TNIP1: variants seen among roughly 807,000 people sequenced by gnomAD.
TNIP1 encodes TNFAIP3-interacting protein 1.
A neutral mutation model predicts 86.6 loss-of-function variants in TNIP1; 22 were observed. The observed-to-expected ratio is 0.25, with a 90% confidence interval of 0.18 to 0.36. The LOEUF (loss-of-function observed/expected upper bound fraction) is 0.36, where lower values mean the gene tolerates loss of function less well. Ranked by LOEUF, TNIP1 falls within the 10% of genes least tolerant of loss-of-function variation. The pLI, the probability that TNIP1 is intolerant of heterozygous loss-of-function variation, is 1.00. For synonymous variants in TNIP1, 294 were observed against 313.0 expected (o/e 0.94, Z 0.64); for missense variants, 709 against 820.6 (o/e 0.86, Z 1.66).
intron 1 of TNIP1, among the ~76,000 whole-genome samples, chr5:151,068,409 G>T (rs190711938): frequency 6.6e-6 from 1 of 152,256 alleles, no homozygotes; most frequent in African/African-American, 2.4e-5. Context: ...GCAATGAGGC[G>T]AATCCTGCAT....
In TNIP1 at chr5:151,063,707, G is replaced by A. The variant is rs1220889360; in HGVS notation, c.177C>T (p.Leu59=). Reference sequence around the variant, plus strand: ...TCACTAGCTCCTCTGCCTTCTGCCGGAGCCTGGTCGCTTCCATCTGGGACT... The same window carrying A: ...TCACTAGCTCCTCTGCCTTCTGCCGAAGCCTGGTCGCTTCCATCTGGGACT... The part of the protein sequence containing the change: ...LEESQMEATR[L]RQKAEELVKD... Residue 59 remains leucine (L), a synonymous_variant, in exon 3 of 18, where the codon CTC becomes CTT. Transcript: ENST00000521591. 18 of 1,614,120 alleles carry A rather than the reference G, an allele frequency of 1.1e-5. No homozygotes were observed. The highest frequency in any genetic ancestry group is 1.5e-5 in the Non-Finnish European group (18 of 1,180,006).
In TNIP1 at chr5:151,039,223, G is replaced by C; in HGVS notation, c.1137C>G (p.Thr379=). ...CCTCTGCTGTCAGCTGCTCCTTGTCGGTCTGCAGGGAATACAAGGTTGGTA... is the reference window on the plus strand; with the variant it reads ...CCTCTGCTGTCAGCTGCTCCTTGTCCGTCTGCAGGGAATACAAGGTTGGTA... ...LAKSKIEMEE[T]DKEQLTAEAK... The change falls in exon 12 of 18, where the codon ACC becomes ACG. Residue 379 remains threonine, a splice_region_variant and synonymous_variant. Transcript: ENST00000521591. 1 of 1,611,626 alleles carries C rather than the reference G, an allele frequency of 6.2e-7. No individual in the cohort carries two copies. Among genetic ancestry groups the C allele is most frequent in the Non-Finnish European group, 8.5e-7 (1 of 1,179,542 alleles).
chr5:151,032,366 A>G lies in TNIP1; in HGVS notation c.1797T>C (p.Arg599=). 2 of 1,614,118 alleles carry G rather than the reference A, an allele frequency of 1.2e-6. No individual in the cohort carries two copies. The highest frequency in any genetic ancestry group is 1.7e-6 in the Non-Finnish European group (2 of 1,180,018). Residue 599 remains arginine (R), a synonymous_variant, in exon 17 of 18, where the codon CGT becomes CGC. Transcript: ENST00000521591. ...RLFHLPEYTW[R]LPCGGVRNPN... ...GATTTCGAACCCCTCCACAGGGTAG[A>G]CGCCAGGTGTATTCCGGCTGCGACA...
chr5:151,059,397 T>C (rs972522642), intron 5 of TNIP1, among the ~76,000 whole-genome samples: 7 of 152,192 alleles, frequency 4.6e-5, no homozygotes, highest in African/African-American at 1.7e-4. Context: ...GAAGGCATGC[T>C]AGTTAGCCAG....
intron 1 of TNIP1, among the ~76,000 whole-genome samples, chr5:151,070,015 A>T (rs1762659690): frequency 1.3e-5 from 2 of 152,190 alleles, no homozygotes; most frequent in Non-Finnish European, 2.9e-5. Flanking sequence ...TGCGAACACG[A>T]GGCCTGAGAG....
intron 5 of TNIP1, among the ~76,000 whole-genome samples, chr5:151,059,812 A>G (rs1265281866): frequency 5.2e-5 from 6 of 115,826 alleles, no homozygotes; most frequent in African/African-American, 2.5e-4. Flanking sequence ...AGAGAGAGAG[A>G]GAGAGAGAGA....
chr5:151,032,499 C>T, intron 16 of TNIP1, 116 bp from the exon 17 acceptor site: 4 of 1,081,010 alleles, frequency 3.7e-6, no homozygotes, highest in Non-Finnish European at 5.4e-6. Context: ...ATCTTTATAA[C>T]AACCCAGGCT....
chr5:151,036,973 C>G (rs1308061266), intron 12 of TNIP1, 52 bp from the exon 13 acceptor site: 1 of 1,532,672 alleles, frequency 6.5e-7, no homozygotes, highest in South Asian at 1.3e-5. Flanking sequence ...GAAATCAGGG[C>G]CCTTTGGAGG....
chr5:151,081,928 T>G (rs1764057071), upstream of TNIP1, among the ~76,000 whole-genome samples: 1 of 152,244 alleles, frequency 6.6e-6, no homozygotes, highest in African/African-American at 2.4e-5. Flanking sequence ...AAGCTAAATT[T>G]TAATTCCAAA....
At chr5:151,061,100 C>T (rs144581253) in intron 4 of TNIP1, among the ~76,000 whole-genome samples, 48 of 152,342 alleles carry the variant, frequency 3.2e-4, no homozygotes, top group African/African-American at 1.1e-3. Context: ...CACATCTTTC[C>T]GTCATTCCTA....
rs752419085 is a variant in TNIP1 at position 151,039,222 on chromosome 5, C to T, written c.1138G>A (p.Asp380Asn). The change falls in exon 12 of 18, where the codon GAC becomes AAC. Residue 380 changes from aspartate (D) to asparagine (N), a missense_variant. Transcript: ENST00000521591. ...GCCTCTGCTGTCAGCTGCTCCTTGTCGGTCTGCAGGGAATACAAGGTTGGT... is the reference window on the plus strand; with the variant it reads ...GCCTCTGCTGTCAGCTGCTCCTTGTTGGTCTGCAGGGAATACAAGGTTGGT... ...AKSKIEMEET[D>N]KEQLTAEAKE... 6.8e-5 allele frequency: 109 copies of T among 1,611,696 alleles called. No homozygotes were observed. Among genetic ancestry groups the T allele is most frequent in the Non-Finnish European group, 8.6e-5 (101 of 1,179,536 alleles).
chr5:151,042,709 A>G, intron 10 of TNIP1, 38 bp from the exon 11 acceptor site: 2 of 1,611,696 alleles, frequency 1.2e-6, no homozygotes, highest in Non-Finnish European at 1.7e-6. Flanking sequence ...TGAGGCAAGG[A>G]TGTAGAGCAC....
intron 15 of TNIP1, among the ~76,000 whole-genome samples, chr5:151,034,239 A>G (rs567943844): frequency 6.7e-6 from 1 of 148,906 alleles, no homozygotes; most frequent in African/African-American, 2.5e-5. Context: ...AGGCTGGTAC[A>G]TGGGCACGGA....
Position 151,031,723 on chromosome 5 carries a change from G to A in TNIP1, c.1876+564C>T, listed in dbSNP as rs551679831. ...CTACCTTGTTCTTGGCTCCAGCCAC[G>A]CTGGTCTTCCCTCCGATCCTCAAAT... On this transcript the variant is annotated intron_variant, in intron 17 of 17. Coordinates refer to ENST00000521591, the MANE Select transcript of TNIP1 (RefSeq NM_006058.5). Among the ~76,000 whole-genome samples the A allele has an allele frequency of 5.3e-5, 8 of 152,184 alleles. No individual in the cohort carries two copies. In the South Asian group the frequency reaches 1.0e-3, roughly 20 times the overall value.
At chr5:151,083,561 G>A (rs1163264373), upstream of TNIP1, among the ~76,000 whole-genome samples, 1 of 152,180 alleles carries the variant, frequency 6.6e-6, no homozygotes, top group East Asian at 1.9e-4. Context: ...AGTGACTCAG[G>A]CAGGTGCAAC....
intron 11 of TNIP1, among the ~76,000 whole-genome samples, chr5:151,041,030 T>C (rs939219556): frequency 2.0e-5 from 3 of 152,032 alleles, no homozygotes; most frequent in Non-Finnish European, 4.4e-5. Context: ...TGGTCTCACT[T>C]ATGCCCACTC....
At chr5:151,060,044 G>A (rs964221686) in intron 5 of TNIP1, among the ~76,000 whole-genome samples, 6 of 152,204 alleles carry the variant, frequency 3.9e-5, no homozygotes, top group African/African-American at 1.4e-4. Flanking sequence ...GTGTGCGGAG[G>A]TGCCTGGCCC....
At chr5:151,072,555 C>T (rs1484975036) in intron 1 of TNIP1, among the ~76,000 whole-genome samples, 1 of 152,200 alleles carries the variant, frequency 6.6e-6, no homozygotes, top group Non-Finnish European at 1.5e-5. Context: ...CTTCTCTCCC[C>T]TCTGTGGTCC....
chr5:151,050,788 T>G (rs1227817435), intron 7 of TNIP1, among the ~76,000 whole-genome samples: 1 of 138,268 alleles, frequency 7.2e-6, no homozygotes, highest in Non-Finnish European at 1.6e-5. Context: ...ACCCCCACCC[T>G]CTTGAGTAGC....
Sources: gnomAD v4.1 joint callset for allele counts (sites outside exome capture counted in the v4.1 genomes callset) on GRCh38, gnomAD v4.1.1 for gene constraint, MANE v1.5 for transcripts, NCBI Gene and HGNC (gene_info 2026-07-23, HGNC 2026-07-21) for gene names.